ST18: variants seen among roughly 807,000 people sequenced by gnomAD.
ST18 encodes suppression of tumorigenicity 18 protein.
ST18 carries 50 observed loss-of-function variants against 110.0 expected under a neutral mutation model. That is an observed-to-expected ratio of 0.45 (90% CI 0.36 to 0.58). ST18 has a LOEUF of 0.58. ST18 is among the 20% of genes least tolerant of loss of function. The probability of loss-of-function intolerance (pLI) is 0.00; values close to 1 mark genes in which losing one functional copy is unlikely to be tolerated. For missense variants in ST18, 1,306 were observed against 1,280.1 expected (o/e 1.02, Z -0.31); for synonymous variants, 461 against 452.4 (o/e 1.02, Z -0.24).
chr8:52,139,095 AG>A (rs1275393603), intron 17 of ST18, among the ~76,000 whole-genome samples: 3 of 150,362 alleles, frequency 2.0e-5, no homozygotes, highest in Middle Eastern at 3.4e-3. Flanking sequence ...ATAAGATAAC[AG>A]AAAAAAAACT....
Position 52,226,909 on chromosome 8 carries a change from T to C in ST18, c.-419+3123A>G, listed in dbSNP as rs534590668. 6.6e-5 allele frequency among the ~76,000 whole-genome samples: 10 copies of C among 152,348 alleles called. No homozygotes were observed. The South Asian group carries it at 1.9e-3, about 28-fold the overall frequency. ...ATTTTCCATTTTCCTTATCCATCTT[T>C]AATAGGTTCTTTGGAATTTTTTCAA... On this transcript the variant is annotated intron_variant, in intron 3 of 25. Coordinates refer to ENST00000689386, the MANE Select transcript of ST18 (RefSeq NM_001352837.2).
chr8:52,295,172 A>G (rs961799731), intron 2 of ST18, among the ~76,000 whole-genome samples: 1 of 152,162 alleles, frequency 6.6e-6, no homozygotes, highest in African/African-American at 2.4e-5. Context: ...TTTTTTTCAC[A>G]TTTGTATGCT....
chr8:52,144,440 C>G (rs2056476140), intron 16 of ST18, among the ~76,000 whole-genome samples: 1 of 151,724 alleles, frequency 6.6e-6, no homozygotes, highest in African/African-American at 2.4e-5. Flanking sequence ...CTGGATTTTC[C>G]CAGCCAAAGA....
intron 2 of ST18, among the ~76,000 whole-genome samples, chr8:52,376,089 C>T (rs185278937): frequency 9.2e-4 from 140 of 152,298 alleles, no homozygotes; most frequent in African/African-American, 3.2e-3. Context: ...ATAGCAACAG[C>T]CCCTTACAGG....
chr8:52,149,949 C>A lies in ST18; in HGVS notation c.1835G>T (p.Gly612Val), dbSNP rs1353382550. Residue 612 changes from glycine to valine, a missense_variant, in exon 16 of 26, where the codon GGC becomes GTC. Coordinates refer to ENST00000689386, the MANE Select transcript of ST18 (RefSeq NM_001352837.2). ...TTTTTTCATGCTTAAGTCCAATGTGCCATTTTCATCCACTTCTATTTCGGC... is the reference window on the plus strand; with the variant it reads ...TTTTTTCATGCTTAAGTCCAATGTGACATTTTCATCCACTTCTATTTCGGC... The part of the protein sequence containing the change: ...KGAEIEVDEN[G>V]TLDLSMKKNR... The A allele has an allele frequency of 2.5e-6, 4 of 1,613,760 alleles. No individual in the cohort carries two copies. The African/African-American group carries it at 5.3e-5, about 22-fold the overall frequency.
chr8:52,184,344 A>G (rs2071117288), intron 8 of ST18, among the ~76,000 whole-genome samples: 1 of 152,166 alleles, frequency 6.6e-6, no homozygotes. Context: ...AATGCAGCAA[A>G]TATCTTTCAA....
intron 2 of ST18, among the ~76,000 whole-genome samples, chr8:52,393,310 G>T (rs1028469838): frequency 8.5e-5 from 13 of 152,180 alleles, no homozygotes; most frequent in African/African-American, 2.7e-4. Context: ...CTGCGGCACA[G>T]ACCCTTTAGA....
At chr8:52,161,297 C>T (rs1252374554) in intron 14 of ST18, 78 bp downstream of exon 14, 10 of 1,442,622 alleles carry the variant, frequency 6.9e-6, no homozygotes, top group Admixed American at 4.3e-5. Flanking sequence ...TTAAGTACAG[C>T]CCCCTGGCCC....
At chr8:52,232,530 T>C (rs1208633875) in intron 2 of ST18, among the ~76,000 whole-genome samples, 7 of 152,184 alleles carry the variant, frequency 4.6e-5, no homozygotes, top group African/African-American at 1.7e-4. Flanking sequence ...ACTTTCCAAA[T>C]GGTGCAACGT....
intron 2 of ST18, among the ~76,000 whole-genome samples, chr8:52,304,900 C>T (rs1233172924): frequency 6.6e-6 from 1 of 152,166 alleles, no homozygotes; most frequent in Non-Finnish European, 1.5e-5. Flanking sequence ...ATAAGGGTTC[C>T]ATCACCTTGG....
At chr8:52,314,852 T>C (rs2095994541) in intron 2 of ST18, among the ~76,000 whole-genome samples, 1 of 152,096 alleles carries the variant, frequency 6.6e-6, no homozygotes, top group Non-Finnish European at 1.5e-5. Context: ...AGTCACTCCA[T>C]GGAGAGACTC....
intron 2 of ST18, among the ~76,000 whole-genome samples, chr8:52,314,169 C>T (rs2095978738): frequency 6.6e-6 from 1 of 152,170 alleles, no homozygotes; most frequent in African/African-American, 2.4e-5. Context: ...CACTTGCTCG[C>T]CCTTTTGTCT....
intron 5 of ST18, among the ~76,000 whole-genome samples, chr8:52,220,039 C>T (rs2136313858): frequency 6.6e-6 from 1 of 152,294 alleles, no homozygotes; most frequent in East Asian, 1.9e-4. Flanking sequence ...GTACCACGGC[C>T]TCAGAGTCAC....
chr8:52,224,040 T>G (rs1321249466), intron 3 of ST18, among the ~76,000 whole-genome samples: 2 of 152,250 alleles, frequency 1.3e-5, no homozygotes, highest in Non-Finnish European at 2.9e-5. Context: ...ATTGAGCTCT[T>G]AATCGCTCTT....
chr8:52,383,582 G>A (rs907448291), intron 2 of ST18, among the ~76,000 whole-genome samples: 2 of 151,934 alleles, frequency 1.3e-5, no homozygotes, highest in African/African-American at 4.8e-5. Context: ...CTGAGTAGCT[G>A]GGATTACAGG....
intron 2 of ST18, among the ~76,000 whole-genome samples, chr8:52,348,152 G>A (rs1818575475): frequency 6.6e-6 from 1 of 152,044 alleles, no homozygotes. Flanking sequence ...AAAAGGAGAG[G>A]AGAAATAAGT....
intron 2 of ST18, among the ~76,000 whole-genome samples, chr8:52,326,538 G>A (rs1487446475): frequency 6.6e-6 from 1 of 152,132 alleles, no homozygotes. Context: ...TATTTAGGCA[G>A]GTGAGGCTAT....
intron 9 of ST18, among the ~76,000 whole-genome samples, chr8:52,179,876 C>A (rs1490570944): frequency 6.6e-6 from 1 of 152,148 alleles, no homozygotes; most frequent in African/African-American, 2.4e-5. Context: ...ATAGTTCAAT[C>A]GTCTGCTTTT....
chr8:52,294,077 G>A (rs977815326), intron 2 of ST18, among the ~76,000 whole-genome samples: 4 of 152,196 alleles, frequency 2.6e-5, no homozygotes, highest in African/African-American at 9.6e-5. Context: ...TGAGTCCAGG[G>A]CACAGTTTAT....
Sources: gnomAD v4.1 joint callset for allele counts (sites outside exome capture counted in the v4.1 genomes callset) on GRCh38, gnomAD v4.1.1 for gene constraint, MANE v1.5 for transcripts, NCBI Gene and HGNC (gene_info 2026-07-23, HGNC 2026-07-21) for gene names.